Variants in CSMD1 observed in about 807,000 individuals in gnomAD.
CSMD1 encodes CUB and sushi domain-containing protein 1.
CSMD1 carries 213 observed loss-of-function variants against 417.5 expected under a neutral mutation model. The ratio of observed to expected loss-of-function variants is 0.51; its 90% CI spans 0.46 to 0.57. The LOEUF is 0.57. CSMD1 is among the 20% of genes least tolerant of loss of function. The probability of loss-of-function intolerance (pLI) is 0.00; values close to 1 mark genes in which losing one functional copy is unlikely to be tolerated. For missense variants in CSMD1, 6,923 were observed against 4,529.7 expected (o/e 1.53, Z -15.17); for synonymous variants, 2,862 against 1,736.8 (o/e 1.65, Z -16.11).
chr8:3,451,152 T>G (rs963857367), intron 12 of CSMD1, among the ~76,000 whole-genome samples: 21 of 152,232 alleles, frequency 1.4e-4, no homozygotes, highest in Non-Finnish European at 2.5e-4. Flanking sequence ...GCCCACTTTT[T>G]GATGGGGTTG....
chr8:4,444,319 C>T lies in CSMD1; in HGVS notation c.303-24254G>A, dbSNP rs1035576149. 2.5e-5 allele frequency among the ~76,000 whole-genome samples: 3 copies of T among 120,256 alleles called. No homozygotes were observed. In the Admixed American group the frequency reaches 3.5e-4, roughly 14 times the overall value. The allele number at this position is 120,256 out of a possible 152,430, so 78.9% of individuals were successfully genotyped here. A position where few individuals can be genotyped will look rare whatever the true frequency, so the allele number is the denominator to read the frequency against. On this transcript the variant is annotated intron_variant, in intron 2 of 69. Coordinates refer to ENST00000635120, the MANE Select transcript of CSMD1 (RefSeq NM_033225.6). The stretch of plus-strand genomic sequence containing the variant: ...CTGAGATCTCGCGACTTCACTCAAG[C>T]CTGGGCTACAGAGTGAGACTCCATC...
At chr8:3,848,427 A>T (rs1025205091) in intron 5 of CSMD1, among the ~76,000 whole-genome samples, 4 of 152,158 alleles carry the variant, frequency 2.6e-5, no homozygotes, top group African/African-American at 9.7e-5. Flanking sequence ...CACAATTAGG[A>T]GTTATTTCAA....
intron 4 of CSMD1, among the ~76,000 whole-genome samples, chr8:4,030,428 C>A (rs1457320984): frequency 6.6e-6 from 1 of 152,212 alleles, no homozygotes. Flanking sequence ...GCTGCCAAGG[C>A]TTGAGGCTTA....
At chr8:2,963,200 C>G (rs950411011) in intron 60 of CSMD1, 22 bp downstream of exon 60, 2 of 1,612,538 alleles carry the variant, frequency 1.2e-6, no homozygotes, top group Admixed American at 1.7e-5. Flanking sequence ...GTGGGCGGAA[C>G]AAATTCTGCT....
intron 1 of CSMD1, among the ~76,000 whole-genome samples, chr8:4,912,200 C>A (rs1252908554): frequency 6.8e-6 from 1 of 147,588 alleles, no homozygotes; most frequent in Non-Finnish European, 1.5e-5. Flanking sequence ...TTAGAAAAGT[C>A]CTCTTACTGA....
intron 2 of CSMD1, among the ~76,000 whole-genome samples, chr8:4,496,195 A>C (rs1035137837): frequency 1.3e-5 from 2 of 152,198 alleles, no homozygotes; most frequent in African/African-American, 4.8e-5. Context: ...TTCCATGTTT[A>C]TCCTGCTCAT....
At chr8:4,040,979 C>A (rs1045745155) in intron 3 of CSMD1, among the ~76,000 whole-genome samples, 5 of 150,058 alleles carry the variant, frequency 3.3e-5, no homozygotes, top group Admixed American at 6.6e-5. Flanking sequence ...TGAATCCTCA[C>A]GTGGTCCTAT....
At chr8:4,092,561 T>C (rs540951015) in intron 3 of CSMD1, among the ~76,000 whole-genome samples, 1 of 152,372 alleles carries the variant, frequency 6.6e-6, no homozygotes, top group Admixed American at 6.5e-5. Flanking sequence ...TAAAGAAATG[T>C]GATTCTCTTT....
intron 1 of CSMD1, among the ~76,000 whole-genome samples, chr8:4,954,023 C>A (rs760769899): frequency 2.2e-4 from 33 of 152,116 alleles, no homozygotes; most frequent in Admixed American, 7.2e-4. Context: ...ACCCTTCCCA[C>A]CCACCTGTTA....
chr8:3,767,572 T>C (rs1370557057), intron 5 of CSMD1, among the ~76,000 whole-genome samples: 9 of 152,328 alleles, frequency 5.9e-5, no homozygotes, highest in African/African-American at 2.2e-4. Context: ...GCTGACCTTA[T>C]CCAAATACGA....
intron 3 of CSMD1, among the ~76,000 whole-genome samples, chr8:4,099,415 C>A (rs1394893344): frequency 2.0e-5 from 3 of 152,090 alleles, no homozygotes; most frequent in Non-Finnish European, 4.4e-5. Context: ...CTTTCTAAAG[C>A]CTTGCAATGC....
intron 47 of CSMD1, among the ~76,000 whole-genome samples, chr8:3,095,173 G>A (rs1815209542): frequency 6.6e-6 from 1 of 152,104 alleles, no homozygotes. Flanking sequence ...AAAAGAACAT[G>A]CATAAGTTCA....
chr8:3,382,577 AATAG>A (rs1186662367), intron 18 of CSMD1, among the ~76,000 whole-genome samples: 4 of 142,432 alleles, frequency 2.8e-5, no homozygotes, highest in African/African-American at 5.0e-5. Context: ...ATATATCTAT[AATAG>A]ATATATAAAT....
chr8:4,233,596 T>C (rs1801871388), intron 3 of CSMD1, among the ~76,000 whole-genome samples: 1 of 152,090 alleles, frequency 6.6e-6, no homozygotes, highest in Non-Finnish European at 1.5e-5. Context: ...AACCAGGAAA[T>C]GATCCCCAAC....
intron 20 of CSMD1, among the ~76,000 whole-genome samples, chr8:3,364,584 T>G (rs1034925222): frequency 1.3e-5 from 2 of 152,178 alleles, no homozygotes; most frequent in African/African-American, 4.8e-5. Context: ...TGCTGGAAAT[T>G]TGATCCCCTT....
chr8:4,812,107 A>G (rs1017463388), intron 1 of CSMD1, among the ~76,000 whole-genome samples: 1 of 152,206 alleles, frequency 6.6e-6, no homozygotes, highest in Non-Finnish European at 1.5e-5. Context: ...GCTGGACAGG[A>G]GTCTCAGGAA....
At chr8:3,006,786 A>G (rs1479219743) in intron 52 of CSMD1, among the ~76,000 whole-genome samples, 2 of 151,558 alleles carry the variant, frequency 1.3e-5, no homozygotes, top group Middle Eastern at 3.4e-3. Flanking sequence ...GATGGATTAA[A>G]GACTTAAACG....
chr8:4,644,075 C>T (rs1803368192), intron 1 of CSMD1, among the ~76,000 whole-genome samples: 1 of 152,146 alleles, frequency 6.6e-6, no homozygotes, highest in Non-Finnish European at 1.5e-5. Context: ...TGAAAGAGAG[C>T]CAAGGAATCG....
In CSMD1 at chr8:3,836,908, C is replaced by G. The variant is rs1272149855; in HGVS notation, c.819-82866G>C. On this transcript the variant is annotated intron_variant, in intron 5 of 69. Coordinates refer to ENST00000635120, the MANE Select transcript of CSMD1 (RefSeq NM_033225.6). ...GTTCTTTAACATTTTTTTTTCAGGA[C>G]ATTATTTTCCTAGTTAAATCTCAAT... Among the ~76,000 whole-genome samples the G allele has an allele frequency of 4.6e-5, 7 of 150,860 alleles. 1 individual carries two copies. Among genetic ancestry groups the G allele is most frequent in the Non-Finnish European group, 1.0e-4 (7 of 67,754 alleles).
Sources: allele counts gnomAD v4.1 joint callset (sites outside exome capture counted in the v4.1 genomes callset), GRCh38; gene constraint gnomAD v4.1.1; transcripts MANE v1.5; gene names NCBI Gene and HGNC (gene_info 2026-07-23, HGNC 2026-07-21).